The following LOXL4 variants were observed in gnomAD, a reference collection of about 807,000 sequenced individuals.
LOXL4 encodes the protein lysyl oxidase homolog 4.
Under a neutral mutation model 89.1 loss-of-function variants are expected in LOXL4, and 72 were observed. The observed-to-expected ratio is 0.81, with a 90% CI of 0.67 to 0.98. The LOEUF is 0.98. LOXL4 is among the 50% of genes least tolerant of loss of function. The pLI is 0.00. For synonymous variants in LOXL4, 355 were observed against 392.1 expected (o/e 0.91, Z 1.12); for missense variants, 984 against 1,017.5 (o/e 0.97, Z 0.45).
In LOXL4 at chr10:98,255,643, T is replaced by C; in HGVS notation, c.1525A>G (p.Arg509Gly). 6.2e-7 allele frequency: 1 copy of C among 1,613,580 alleles called. No homozygotes were observed. Among genetic ancestry groups the C allele is most frequent in the Non-Finnish European group, 8.5e-7 (1 of 1,179,634 alleles). ...GTELALQQCQ[R>G]HGPVHCSHGG... Reference sequence around the variant, plus strand: ...TGGGAGCAGTGCACCGGCCCGTGCCTCTGGCACTGCTGCAGGGCCAGCTCT... The same window carrying C: ...TGGGAGCAGTGCACCGGCCCGTGCCCCTGGCACTGCTGCAGGGCCAGCTCT... Residue 509 changes from arginine (R) to glycine (G), a missense_variant, in exon 10 of 15, where the codon AGG becomes GGG. Physicochemically the swap from Arg to Gly is moderately radical, Grantham distance 125. Transcript: ENST00000260702.
At chr10:98,251,232 A>T in intron 13 of LOXL4, 56 bp from the exon 14 acceptor site, 1 of 1,286,518 alleles carries the variant, frequency 7.8e-7, no homozygotes, top group African/African-American at 1.5e-5. Flanking sequence ...GAATGAGTTG[A>T]CTGTGGCTGT....
chr10:98,252,215 C>T, intron 12 of LOXL4, 138 bp downstream of exon 12: 2 of 672,678 alleles, frequency 3.0e-6, no homozygotes, highest in Admixed American at 2.5e-5. Context: ...AAGAAATTGC[C>T]TTGAATGCTA....
In LOXL4 at chr10:98,257,787, G is replaced by C; in HGVS notation, c.1123C>G (p.Leu375Val). The C allele has an allele frequency of 6.2e-7, 1 of 1,613,466 alleles. No individual in the cohort carries two copies. The highest frequency in any genetic ancestry group is 8.5e-7 in the Non-Finnish European group (1 of 1,179,628). ...RLGQGLGPIH[L>V]SEVRCRGYER... The stretch of plus-strand genomic sequence containing the variant: ...TATCCCCTGCAGCGCACCTCACTCA[G>C]GTGGATGGGCCCTAGCCCTAGATGG... Residue 375 changes from leucine to valine, a missense_variant, in exon 8 of 15, where the codon CTG (leucine) becomes GTG (valine). Physicochemically the swap from Leu to Val is conservative, Grantham distance 32 (BLOSUM62 1). Transcript: ENST00000260702.
At position 98,249,000 on chromosome 10, in the gene LOXL4, C is replaced by G; in HGVS notation, c.2201-9G>C. ...GGCTGGGTATGAATTCCCTGTGGGC[C>G]AAAGGAAAACAGGTAAGTAGCCAAC... On this transcript the variant is annotated splice_polypyrimidine_tract_variant and intron_variant, in intron 14 of 14. Transcript: ENST00000260702. The G allele has an allele frequency of 6.2e-7, 1 of 1,612,686 alleles. No homozygotes were observed. Among genetic ancestry groups the G allele is most frequent in the South Asian group, 1.1e-5 (1 of 90,674 alleles).
chr10:98,259,664 C>T (rs1403182816), intron 4 of LOXL4, among the ~76,000 whole-genome samples: 1 of 152,150 alleles, frequency 6.6e-6, no homozygotes, highest in Non-Finnish European at 1.5e-5. Context: ...AGAGTGGGGG[C>T]AGGTGGATCA....
intron 13 of LOXL4, 89 bp from the exon 14 acceptor site, chr10:98,251,265 AT>A (rs1858185348): frequency 9.9e-7 from 1 of 1,011,470 alleles, no homozygotes; most frequent in Admixed American, 1.9e-5. Flanking sequence ...ATGTGTTTCT[AT>A]TTGCTTCATT....
At chr10:98,251,401 A>G (rs1217300369) in intron 13 of LOXL4, among the ~76,000 whole-genome samples, 165 bp downstream of exon 13, 1 of 152,224 alleles carries the variant, frequency 6.6e-6, no homozygotes, top group African/African-American at 2.4e-5. Flanking sequence ...ACACAGGTTC[A>G]TTGGACCCAG....
At chr10:98,257,952 T>C (rs759428817) in intron 7 of LOXL4, 29 bp downstream of exon 7, 1 of 1,610,904 alleles carries the variant, frequency 6.2e-7, no homozygotes, top group South Asian at 1.1e-5. Flanking sequence ...ATCCAGGCCT[T>C]CTAACCCCTC....
At chr10:98,257,037 A>G in intron 8 of LOXL4, 90 bp from the exon 9 acceptor site, 3 of 1,448,218 alleles carry the variant, frequency 2.1e-6, no homozygotes, top group Non-Finnish European at 1.9e-6. Flanking sequence ...AAGCCAGCTC[A>G]CTGTGTCACC....
At position 98,259,192 on chromosome 10, in the gene LOXL4, G is replaced by A; in HGVS notation, c.738C>T (p.Ile246=). 1 of 1,611,856 alleles carries A rather than the reference G, an allele frequency of 6.2e-7. No homozygotes were observed. The highest frequency in any genetic ancestry group is 8.5e-7 in the Non-Finnish European group (1 of 1,179,582). The change falls in exon 6 of 15, where the codon ATC becomes ATT. Residue 246 remains isoleucine (I), a synonymous_variant. Transcript: ENST00000260702. The part of the protein sequence containing the change: ...KSLTNKNSFW[I]HQVTCLGTEP... Reference sequence around the variant, plus strand: ...CTGTCCCCAGGCAGGTGACCTGGTGGATCCAGAAGGAGTTCTTATTCGTCA... The same window carrying A: ...CTGTCCCCAGGCAGGTGACCTGGTGAATCCAGAAGGAGTTCTTATTCGTCA...
chr10:98,260,483 G>A (rs1858505749), intron 4 of LOXL4, among the ~76,000 whole-genome samples: 2 of 142,572 alleles, frequency 1.4e-5, no homozygotes, highest in African/African-American at 5.1e-5. Context: ...CGGGGGGTGG[G>A]GGGGCGTTCT....
chr10:98,259,487 C>T, intron 4 of LOXL4, 58 bp from the exon 5 acceptor site: 1 of 1,458,048 alleles, frequency 6.9e-7, no homozygotes, highest in Non-Finnish European at 9.6e-7. Context: ...CACCCCCTGC[C>T]ACCTGGTTCC....
chr10:98,262,297 A>C, intron 2 of LOXL4, 84 bp from the exon 3 acceptor site: 1 of 1,420,516 alleles, frequency 7.0e-7, no homozygotes, highest in Non-Finnish European at 9.7e-7. Context: ...CACACTTACC[A>C]AGTCACCTCT....
intron 6 of LOXL4, 149 bp downstream of exon 6, chr10:98,258,860 C>G: frequency 1.6e-6 from 1 of 624,332 alleles, no homozygotes; most frequent in Non-Finnish European, 2.8e-6. Flanking sequence ...TAAATACATT[C>G]CAAGGTTCTA....
At chr10:98,256,673 A>T in intron 9 of LOXL4, 107 bp downstream of exon 9, 1 of 1,300,222 alleles carries the variant, frequency 7.7e-7, no homozygotes, top group South Asian at 1.2e-5. Flanking sequence ...TTCACTCAGT[A>T]ATGAATTGCC....
At chr10:98,258,212 C>A in intron 6 of LOXL4, 48 bp from the exon 7 acceptor site, 1 of 1,553,910 alleles carries the variant, frequency 6.4e-7, no homozygotes. Context: ...GAGGCACCAG[C>A]AGGGGCTGAG....
Position 98,247,893 on chromosome 10 carries a change from C to T in LOXL4, c.*1028G>A, listed in dbSNP as rs1398631860. 4 of 152,238 alleles carry T rather than the reference C, an allele frequency of 2.6e-5. No homozygotes were observed. The highest frequency in any genetic ancestry group is 5.9e-5 in the Non-Finnish European group (4 of 68,054). 9.4% of individuals were successfully genotyped at this position (152,238 alleles called of 1,614,324 possible). A position where few individuals can be genotyped will look rare whatever the true frequency, so the allele number is the denominator to read the frequency against. ...TTCCCAGGTTCCATCCTTAACTAAA[C>T]TGACTGTTCCCCCTTCTGATTTCTC... On this transcript the variant is annotated 3_prime_UTR_variant, in exon 15 of 15. Transcript: ENST00000260702.
At chr10:98,249,936 C>T (rs1280015777) in intron 14 of LOXL4, among the ~76,000 whole-genome samples, 1 of 152,166 alleles carries the variant, frequency 6.6e-6, no homozygotes, top group Non-Finnish European at 1.5e-5. Context: ...TTTTTGAAAA[C>T]CTAAATGATC....
chr10:98,263,713 CTTT>C, intron 1 of LOXL4, among the ~76,000 whole-genome samples: 18 of 150,612 alleles, frequency 1.2e-4, no homozygotes, highest in African/African-American at 4.4e-4. Flanking sequence ...CTCTTTCTTT[CTTT>C]TTTCTTTCTT....
Sources: allele counts gnomAD v4.1 joint callset (sites outside exome capture counted in the v4.1 genomes callset), GRCh38; gene constraint gnomAD v4.1.1; transcripts MANE v1.5; gene names NCBI Gene and HGNC (gene_info 2026-07-23, HGNC 2026-07-21).